Variants in TBCD observed in about 807,000 individuals in gnomAD.
TBCD encodes tubulin folding cofactor D, also known as tubulin-specific chaperone D.
A neutral mutation model predicts 169.3 loss-of-function variants in TBCD; 105 were observed. The observed-to-expected ratio is 0.62, with a 90% CI of 0.53 to 0.73. The LOEUF is 0.73. TBCD is among the 30% of genes least tolerant of loss of function. The pLI, the probability that TBCD is intolerant of heterozygous loss-of-function variation, is 0.00. For synonymous variants in TBCD, 700 were observed against 643.9 expected (o/e 1.09, Z -1.32); for missense variants, 1,444 against 1,600.1 (o/e 0.90, Z 1.66).
intron 23 of TBCD, among the ~76,000 whole-genome samples, chr17:82,918,990 T>A (rs8067859): frequency 0.37 from 56,544 of 152,126 alleles, 12,256 homozygotes; most frequent in African/African-American, 0.61. Flanking sequence ...GAGTAACTAA[T>A]AACTTACGCA....
intron 7 of TBCD, among the ~76,000 whole-genome samples, chr17:82,790,499 C>A (rs1248164729): frequency 6.6e-6 from 1 of 152,146 alleles, no homozygotes; most frequent in African/African-American, 2.4e-5. Flanking sequence ...CCCGTGTGTC[C>A]TGGTGTCTTT....
At chr17:82,775,244 G>A (rs1463077485) in intron 6 of TBCD, among the ~76,000 whole-genome samples, 8 of 152,232 alleles carry the variant, frequency 5.3e-5, no homozygotes, top group African/African-American at 1.9e-4. Flanking sequence ...GGTGCCTGGG[G>A]GCGTCGGTGC....
At chr17:82,786,576 G>A (rs1240429994) in intron 7 of TBCD, among the ~76,000 whole-genome samples, 8 of 152,202 alleles carry the variant, frequency 5.3e-5, no homozygotes, top group Admixed American at 4.6e-4. Context: ...CCCAGCCTTG[G>A]GGCTGGAGCC....
intron 7 of TBCD, among the ~76,000 whole-genome samples, chr17:82,788,171 G>C (rs929310128): frequency 7.2e-5 from 11 of 152,180 alleles, no homozygotes; most frequent in African/African-American, 2.7e-4. Flanking sequence ...CCGGGAGGTG[G>C]AGGTTGCAGT....
chr17:82,932,804 C>A, intron 34 of TBCD, 69 bp downstream of exon 34: 1 of 1,476,510 alleles, frequency 6.8e-7, no homozygotes, highest in Non-Finnish European at 9.4e-7. Flanking sequence ...AAGAAAAAGT[C>A]ATCAGACACA....
intron 14 of TBCD, chr17:82,877,030 C>A: frequency 1.1e-6 from 1 of 937,888 alleles, no homozygotes; most frequent in Non-Finnish European, 1.3e-6. Flanking sequence ...TCCATTCTTT[C>A]TTCATTAATC....
chr17:82,924,280 C>T (rs555291073), intron 26 of TBCD, among the ~76,000 whole-genome samples: 7 of 152,186 alleles, frequency 4.6e-5, no homozygotes, highest in Admixed American at 2.6e-4. Flanking sequence ...TTGTATGCAC[C>T]GTGACATTTT....
rs538134554 is a variant in TBCD, at chr17:82,774,018, C to T, written c.638+1511C>T. Among the ~76,000 whole-genome samples the T allele has an allele frequency of 1.2e-3, 176 of 150,634 alleles. 2 individuals carry two copies. The South Asian group carries it at 0.035, about 30-fold the overall frequency. On this transcript the variant is annotated intron_variant, in intron 6 of 38. Coordinates refer to ENST00000355528, the MANE Select transcript of TBCD (RefSeq NM_005993.5). The stretch of plus-strand genomic sequence containing the variant: ...TGCTGAGATTACAGGTGTGAGCCAC[C>T]GCGCCTGGCCCGAGTGTGTCTTTTT...
At position 82,756,228 on chromosome 17, in the gene TBCD, G is replaced by A; in HGVS notation, c.235+13G>A. 1 of 1,605,640 alleles carries A rather than the reference G, an allele frequency of 6.2e-7. No individual in the cohort carries two copies. The highest frequency in any genetic ancestry group is 8.5e-7 in the Non-Finnish European group (1 of 1,175,694). On this transcript the variant is annotated intron_variant, in intron 2 of 38. Coordinates refer to ENST00000355528, the MANE Select transcript of TBCD (RefSeq NM_005993.5). Reference sequence around the variant, plus strand: ...GACCCGCACCTTGGTAAGAATAGAAGCTGCTGATTTTGATCATTCAGTTAC... The same window carrying A: ...GACCCGCACCTTGGTAAGAATAGAAACTGCTGATTTTGATCATTCAGTTAC...
chr17:82,896,232 C>T (rs1163854697), intron 17 of TBCD, among the ~76,000 whole-genome samples: 1 of 152,174 alleles, frequency 6.6e-6, no homozygotes, highest in Non-Finnish European at 1.5e-5. Flanking sequence ...TCCATGCTTC[C>T]TGCAGACTGT....
intron 17 of TBCD, among the ~76,000 whole-genome samples, chr17:82,899,889 GT>G (rs2059771544): frequency 6.6e-6 from 1 of 152,146 alleles, no homozygotes; most frequent in South Asian, 2.1e-4. Context: ...CTTTTCATGT[GT>G]TTATTGGCCT....
At chr17:82,828,291 C>T (rs1168240570) in intron 13 of TBCD, among the ~76,000 whole-genome samples, 3 of 123,684 alleles carry the variant, frequency 2.4e-5, no homozygotes, top group Non-Finnish European at 3.3e-5. Flanking sequence ...CACCCCCCCA[C>T]AGGCACACGT....
chr17:82,917,009 TTTTTC>T (rs1195745298), intron 23 of TBCD, among the ~76,000 whole-genome samples: 6 of 103,934 alleles, frequency 5.8e-5, no homozygotes, highest in East Asian at 3.3e-4. Context: ...TGGACTTTTT[TTTTTC>T]TTTTCTTTTC....
chr17:82,921,633 C>T, intron 25 of TBCD, 56 bp downstream of exon 25: 1 of 1,539,586 alleles, frequency 6.5e-7, no homozygotes, highest in South Asian at 1.1e-5. Context: ...GTGTGTTAGT[C>T]ACGGATGGTG....
intron 6 of TBCD, among the ~76,000 whole-genome samples, chr17:82,780,083 G>A (rs1418539424): frequency 6.6e-6 from 1 of 152,074 alleles, no homozygotes; most frequent in Non-Finnish European, 1.5e-5. Flanking sequence ...GCCAGTACTG[G>A]TCCTGTCCCC....
At chr17:82,778,906 C>T (rs1369491625) in intron 6 of TBCD, among the ~76,000 whole-genome samples, 3 of 152,198 alleles carry the variant, frequency 2.0e-5, no homozygotes, top group Non-Finnish European at 4.4e-5. Context: ...AGGTGATCCA[C>T]CCGTCTTGAC....
At chr17:82,776,968 T>G (rs1010173483) in intron 6 of TBCD, among the ~76,000 whole-genome samples, 3 of 152,310 alleles carry the variant, frequency 2.0e-5, no homozygotes, top group East Asian at 3.9e-4. Context: ...TGCGTGTCTG[T>G]GGGCTCCTTG....
chr17:82,889,397 G>A lies in TBCD; in HGVS notation c.1534-271G>A, dbSNP rs570670167. On this transcript the variant is annotated intron_variant, in intron 15 of 38. Coordinates refer to ENST00000355528, the MANE Select transcript of TBCD (RefSeq NM_005993.5). This position sits in a 1 kb window ranked among gnomAD's most constrained non-coding sequence, Gnocchi z 5.3. Reference sequence around the variant, plus strand: ...CTGAGTTGACAGCCGGGGCCTCCGCGTGGGTGCTGCTGGGAGGCTCAGTGG... The same window carrying A: ...CTGAGTTGACAGCCGGGGCCTCCGCATGGGTGCTGCTGGGAGGCTCAGTGG... 2.0e-5 allele frequency among the ~76,000 whole-genome samples: 3 copies of A among 152,350 alleles called. No individual in the cohort carries two copies. Among genetic ancestry groups the A allele is most frequent in the East Asian group, 3.9e-4 (2 of 5,180 alleles).
At chr17:82,939,562 A>C in intron 37 of TBCD, 86 bp downstream of exon 37, 3 of 1,091,366 alleles carry the variant, frequency 2.7e-6, no homozygotes, top group Non-Finnish European at 4.1e-6. Flanking sequence ...TCTCTCCCAA[A>C]ACCCTCTGAT....
Sources: allele counts gnomAD v4.1 joint callset (sites outside exome capture counted in the v4.1 genomes callset), GRCh38; gene constraint gnomAD v4.1.1; non-coding constraint Gnocchi (gnomAD v3.1); transcripts MANE v1.5; gene names NCBI Gene and HGNC (gene_info 2026-07-23, HGNC 2026-07-21).